The following ARHGAP10 variants were observed in gnomAD, a reference collection of about 807,000 sequenced individuals.
The protein encoded by ARHGAP10 is Rho GTPase activating protein 10.
A neutral mutation model predicts 108.6 loss-of-function variants in ARHGAP10; 87 were observed. The ratio of observed to expected loss-of-function variants is 0.80; its 90% CI spans 0.67 to 0.96. The LOEUF (loss-of-function observed/expected upper bound fraction) is 0.96. Ranked by LOEUF, ARHGAP10 falls within the 40% of genes least tolerant of loss-of-function variation. The pLI, the probability that ARHGAP10 is intolerant of heterozygous loss-of-function variation, is 0.00. For missense variants in ARHGAP10, 939 were observed against 954.5 expected (o/e 0.98, Z 0.21); for synonymous variants, 347 against 341.1 (o/e 1.02, Z -0.19).
chr4:148,035,485 T>A (rs964362270), intron 19 of ARHGAP10, among the ~76,000 whole-genome samples: 14 of 152,220 alleles, frequency 9.2e-5, no homozygotes, highest in African/African-American at 3.4e-4. Flanking sequence ...TCAGATACAT[T>A]ATATTAGCCA....
At chr4:147,994,991 G>C (rs892058818) in intron 18 of ARHGAP10, among the ~76,000 whole-genome samples, 2 of 152,174 alleles carry the variant, frequency 1.3e-5, no homozygotes. Context: ...GTGTGTAATC[G>C]TATTATTCTG....
intron 3 of ARHGAP10, among the ~76,000 whole-genome samples, chr4:147,838,871 C>T (rs1469373809): frequency 1.3e-5 from 2 of 152,128 alleles, no homozygotes; most frequent in African/African-American, 4.8e-5. Flanking sequence ...TTCTTAGTGT[C>T]CCTTTGTTTT....
rs775580937 is a variant in ARHGAP10 at position 147,866,821 on chromosome 4, G to A, written c.702+5G>A. 6.3e-7 allele frequency: 1 copy of A among 1,579,204 alleles called. No homozygotes were observed. Among genetic ancestry groups the A allele is most frequent in the Non-Finnish European group, 8.7e-7 (1 of 1,153,640 alleles). On this transcript the variant is annotated splice_donor_5th_base_variant and intron_variant, in intron 7 of 22. Transcript: ENST00000336498. Reference sequence around the variant, plus strand: ...CTACAGATCAACATTCAGAATGTAAGGAAGTGAAAGCTTTCTTTATAAAAA... The same window carrying A: ...CTACAGATCAACATTCAGAATGTAAAGAAGTGAAAGCTTTCTTTATAAAAA...
chr4:147,889,199 G>A (rs149664764), intron 10 of ARHGAP10, among the ~76,000 whole-genome samples: 2 of 152,296 alleles, frequency 1.3e-5, no homozygotes, highest in Admixed American at 6.5e-5. Context: ...GTGAGCTCTA[G>A]TGTCTTCATT....
intron 10 of ARHGAP10, among the ~76,000 whole-genome samples, chr4:147,903,457 A>G (rs1474040963): frequency 6.6e-6 from 1 of 152,184 alleles, no homozygotes. Flanking sequence ...ACCTACCTTG[A>G]CATATCATAA....
chr4:148,070,267 G>A (rs1730108685), intron 22 of ARHGAP10, among the ~76,000 whole-genome samples: 1 of 152,188 alleles, frequency 6.6e-6, no homozygotes, highest in Non-Finnish European at 1.5e-5. Context: ...GGAAGTGGGG[G>A]GATGCTGAAG....
intron 1 of ARHGAP10, among the ~76,000 whole-genome samples, chr4:147,822,177 G>T (rs1366250213): frequency 6.6e-6 from 1 of 152,140 alleles, no homozygotes; most frequent in African/African-American, 2.4e-5. Context: ...TTTCTTCTTG[G>T]CCTTCAGTTA....
chr4:147,783,001 A>AT (rs535217989), intron 1 of ARHGAP10, among the ~76,000 whole-genome samples: 435 of 135,912 alleles, frequency 3.2e-3, no homozygotes, highest in Middle Eastern at 0.012. Context: ...TATATATTAT[A>AT]TAAATTATAT....
intron 12 of ARHGAP10, among the ~76,000 whole-genome samples, chr4:147,912,753 A>C (rs1736810679): frequency 7.6e-6 from 1 of 132,134 alleles, no homozygotes. Context: ...GGCTCAAGCT[A>C]TCCTTCTTCA....
rs546939146 is a variant in ARHGAP10, at chr4:148,023,277, G to A, written c.1731G>A (p.Pro577=). 9.3e-6 allele frequency: 15 copies of A among 1,613,814 alleles called. No homozygotes were observed. The South Asian group carries it at 9.9e-5, about 11-fold the overall frequency. ...IENHEKIFRT[P]PDTTFPEPTC... is the part of the protein sequence containing the mutation. ...TTTGTTGGAAGATTTTTCGGACGCC[G>A]CCCGATACTACATTCCCTGAGCCCA... Residue 577 remains proline, a synonymous_variant, in exon 19 of 23, where the codon CCG becomes CCA. Transcript: ENST00000336498.
At chr4:147,752,719 G>A (rs1392621804) in intron 1 of ARHGAP10, among the ~76,000 whole-genome samples, 1 of 152,158 alleles carries the variant, frequency 6.6e-6, no homozygotes, top group Non-Finnish European at 1.5e-5. Flanking sequence ...TAGAGACGGA[G>A]TTTTGCCATG....
At chr4:147,968,319 T>G (rs1450121720) in intron 18 of ARHGAP10, among the ~76,000 whole-genome samples, 1 of 152,232 alleles carries the variant, frequency 6.6e-6, no homozygotes, top group Non-Finnish European at 1.5e-5. Flanking sequence ...GACTCATAGT[T>G]AAAAGTGTAC....
intron 15 of ARHGAP10, among the ~76,000 whole-genome samples, chr4:147,952,248 A>G (rs759853176): frequency 4.6e-5 from 7 of 152,210 alleles, no homozygotes; most frequent in Non-Finnish European, 7.4e-5. Flanking sequence ...GAGTGGACGC[A>G]GGCTTTCATT....
chr4:147,971,814 G>C (rs1176038096), intron 18 of ARHGAP10, among the ~76,000 whole-genome samples: 1 of 152,154 alleles, frequency 6.6e-6, no homozygotes, highest in Non-Finnish European at 1.5e-5. Context: ...AACTTAATCT[G>C]ACAGCAGGAT....
At chr4:147,989,642 C>CG (rs1417319570) in intron 18 of ARHGAP10, among the ~76,000 whole-genome samples, 4 of 152,292 alleles carry the variant, frequency 2.6e-5, no homozygotes, top group Admixed American at 2.0e-4. Context: ...CCCAGCTCAC[C>CG]GGCGGTCAGA....
chr4:147,873,681 A>AACACAC (rs67852364), intron 7 of ARHGAP10, among the ~76,000 whole-genome samples: 3,942 of 98,714 alleles, frequency 0.04, 147 homozygotes, highest in Non-Finnish European at 0.044. Flanking sequence ...CAAAAAACAA[A>AACACAC]ACACACACAC....
intron 3 of ARHGAP10, among the ~76,000 whole-genome samples, chr4:147,843,768 C>T (rs948904248): frequency 2.0e-5 from 3 of 152,212 alleles, no homozygotes; most frequent in East Asian, 1.9e-4. Flanking sequence ...CCACCTGCCT[C>T]GGCCTCCCAA....
chr4:147,747,412 C>G (rs1292720620), intron 1 of ARHGAP10, among the ~76,000 whole-genome samples: 1 of 152,182 alleles, frequency 6.6e-6, no homozygotes, highest in Non-Finnish European at 1.5e-5. Flanking sequence ...TAGGTTCAAC[C>G]TAGTTGAAGA....
intron 18 of ARHGAP10, among the ~76,000 whole-genome samples, chr4:148,013,137 C>A (rs1036502933): frequency 3.9e-5 from 6 of 152,176 alleles, no homozygotes; most frequent in African/African-American, 1.4e-4. Flanking sequence ...ACCTTCAGGG[C>A]AGCCTGTCCT....
Sources: allele counts gnomAD v4.1 joint callset (sites outside exome capture counted in the v4.1 genomes callset), GRCh38; gene constraint gnomAD v4.1.1; transcripts MANE v1.5; gene names NCBI Gene and HGNC (gene_info 2026-07-23, HGNC 2026-07-21).